Variants in ARMC12 observed in about 807,000 individuals in gnomAD.
The protein encoded by ARMC12 is armadillo repeat-containing protein 12.
Under a neutral mutation model 37.4 loss-of-function variants are expected in ARMC12, and 25 were observed. The observed-to-expected ratio is 0.67, with a 90% CI of 0.49 to 0.93. The LOEUF (loss-of-function observed/expected upper bound fraction) is 0.93, where lower values mean the gene tolerates loss of function less well. Among genes scored for constraint, ARMC12 ranks in the 40% least tolerant of loss-of-function variants. ARMC12 has a pLI of 0.00. For missense variants in ARMC12, 384 were observed against 426.6 expected, an observed-to-expected ratio of 0.90 and a Z score of 0.88; for synonymous variants, 167 against 176.1, an observed-to-expected ratio of 0.95 and a Z score of 0.41.
upstream of ARMC12, among the ~76,000 whole-genome samples, chr6:35,734,644 T>C (rs1023406786): frequency 1.3e-5 from 2 of 151,566 alleles, no homozygotes; most frequent in African/African-American, 2.4e-5. Flanking sequence ...CTACCAAAAA[T>C]ACAAAAAATT....
chr6:35,737,890 G>T, intron 1 of ARMC12, 137 bp from the exon 2 acceptor site: 1 of 1,142,060 alleles, frequency 8.8e-7, no homozygotes, highest in Non-Finnish European at 1.3e-6. Flanking sequence ...TGTACATGGT[G>T]GTCCTGCATA....
intron 3 of ARMC12, among the ~76,000 whole-genome samples, chr6:35,747,022 A>T (rs1468854648): frequency 2.9e-5 from 4 of 139,782 alleles, no homozygotes; most frequent in Non-Finnish European, 4.5e-5. Flanking sequence ...GGTAGAAAAG[A>T]GGAGGTTGGG....
chr6:35,738,208 GC>G (rs762441937), intron 2 of ARMC12, 36 bp downstream of exon 2: 8 of 1,521,674 alleles, frequency 5.3e-6, no homozygotes, highest in African/African-American at 4.2e-5. Context: ...AGCCGGCCTG[GC>G]CCCTGGGGGT....
intron 3 of ARMC12, among the ~76,000 whole-genome samples, chr6:35,740,753 G>A (rs943570393): frequency 6.6e-6 from 1 of 152,146 alleles, no homozygotes; most frequent in African/African-American, 2.4e-5. Flanking sequence ...GCAGGGCATA[G>A]CAGATAATAA....
At chr6:35,742,487 ACT>A (rs1293404620) in intron 3 of ARMC12, among the ~76,000 whole-genome samples, 6 of 110,486 alleles carry the variant, frequency 5.4e-5, no homozygotes, top group Non-Finnish European at 1.0e-4. Context: ...ACAGAACGAG[ACT>A]CTGTCTCAAA....
chr6:35,747,252 C>G lies in ARMC12; in HGVS notation c.445-9C>G, dbSNP rs1178888858. 1 of 1,607,966 alleles carries G rather than the reference C, an allele frequency of 6.2e-7. No homozygotes were observed. On this transcript the variant is annotated splice_polypyrimidine_tract_variant and intron_variant, in intron 3 of 5. Coordinates refer to ENST00000373866, the MANE Select transcript of ARMC12 (RefSeq NM_001286574.2). Reference sequence around the variant, plus strand: ...TAAAAGTAAGCCCTTTTGTTCTCCCCCACTCCAGGAACACTCCATCAAAGT... The same window carrying G: ...TAAAAGTAAGCCCTTTTGTTCTCCCGCACTCCAGGAACACTCCATCAAAGT...
At chr6:35,733,144 C>T (rs1766874070), upstream of ARMC12, among the ~76,000 whole-genome samples, 1 of 152,048 alleles carries the variant, frequency 6.6e-6, no homozygotes, top group Non-Finnish European at 1.5e-5. Context: ...TGCACTCCAG[C>T]CCGGGTGACA....
intron 3 of ARMC12, 32 bp downstream of exon 3, chr6:35,738,550 G>A: frequency 6.2e-7 from 1 of 1,612,896 alleles, no homozygotes; most frequent in Non-Finnish European, 8.5e-7. Flanking sequence ...GGGGCATGCA[G>A]GATGTCTATA....
At chr6:35,744,533 G>A (rs2151044330) in intron 3 of ARMC12, among the ~76,000 whole-genome samples, 2 of 152,144 alleles carry the variant, frequency 1.3e-5, no homozygotes, top group South Asian at 4.2e-4. Context: ...AGGCATGGGG[G>A]ATCACGAGGT....
intron 3 of ARMC12, among the ~76,000 whole-genome samples, chr6:35,742,525 A>G: frequency 7.4e-6 from 1 of 135,418 alleles, no homozygotes; most frequent in Admixed American, 7.4e-5. Context: ...AAAAAAGCCC[A>G]GGGAGTTCAG....
In ARMC12 at chr6:35,748,642, C is replaced by T. The variant is rs1335580552; in HGVS notation, c.795C>T (p.Pro265=). 3.1e-6 allele frequency: 5 copies of T among 1,613,638 alleles called. No homozygotes were observed. The highest frequency in any genetic ancestry group is 4.2e-6 in the Non-Finnish European group (5 of 1,179,694). Residue 265 remains proline, a synonymous_variant, in exon 6 of 6, where the codon CCC becomes CCT. Coordinates refer to ENST00000373866, the MANE Select transcript of ARMC12 (RefSeq NM_001286574.2). The part of the protein sequence containing the change: ...AERLSEGRNA[P]HYHVVKWHYN... ...GGCTGAGTGAGGGCCGGAACGCACCCCACTACCACGTGGTGAAATGGCATT... is the reference window on the plus strand; with the variant it reads ...GGCTGAGTGAGGGCCGGAACGCACCTCACTACCACGTGGTGAAATGGCATT...
chr6:35,738,555 T>C, intron 3 of ARMC12, 37 bp downstream of exon 3: 1 of 1,611,462 alleles, frequency 6.2e-7, no homozygotes, highest in Non-Finnish European at 8.5e-7. Context: ...ATGCAGGATG[T>C]CTATAGTCCT....
At chr6:35,746,129 AAAAAT>A (rs1375689103) in intron 3 of ARMC12, among the ~76,000 whole-genome samples, 2 of 152,230 alleles carry the variant, frequency 1.3e-5, no homozygotes, top group Non-Finnish European at 2.9e-5. Context: ...TGCTGTAGAG[AAAAAT>A]AAAATAACAG....
upstream of ARMC12, among the ~76,000 whole-genome samples, chr6:35,734,819 AAAAG>A (rs370395776): frequency 2.3e-3 from 347 of 152,216 alleles, no homozygotes; most frequent in African/African-American, 7.5e-3. Flanking sequence ...AGAAAAAAAA[AAAAG>A]AAAGAAAACA....
chr6:35,737,569 C>A lies in ARMC12; in HGVS notation c.163+298C>A, dbSNP rs551971691. Among the ~76,000 whole-genome samples the A allele has an allele frequency of 3.2e-4, 48 of 152,242 alleles. 2 individuals carry two copies. The highest frequency in any genetic ancestry group is 1.1e-3 in the African/African-American group (46 of 41,544). On this transcript the variant is annotated intron_variant, in intron 1 of 5. Transcript: ENST00000373866. Reference sequence around the variant, plus strand: ...TCTTGGAAACTTGGTGTCGGCAGCTCCCCCCATCCCTTTTCTGCCCTAGGA... The same window carrying A: ...TCTTGGAAACTTGGTGTCGGCAGCTACCCCCATCCCTTTTCTGCCCTAGGA...
upstream of ARMC12, among the ~76,000 whole-genome samples, chr6:35,734,707 C>T (rs1252286752): frequency 1.3e-5 from 2 of 151,352 alleles, no homozygotes; most frequent in Non-Finnish European, 2.9e-5. Flanking sequence ...GAGGCTGAGG[C>T]GAGAGGATTG....
intron 3 of ARMC12, among the ~76,000 whole-genome samples, chr6:35,739,327 T>C (rs1767096246): frequency 6.6e-6 from 1 of 152,250 alleles, no homozygotes; most frequent in African/African-American, 2.4e-5. Flanking sequence ...TATGTCTATG[T>C]GTAAATGTGC....
At position 35,748,710 on chromosome 6, in the gene ARMC12, C is replaced by A; in HGVS notation, c.863C>A (p.Ser288Tyr). Reference protein sequence around the residue: ...SLHESLFGEESRLADRLLALV... With the variant: ...SLHESLFGEEYRLADRLLALV... ...CATGAATCCCTCTTTGGGGAAGAGT[C>A]CCGACTGGCAGACCGACTACTTGCC... The change falls in exon 6 of 6, where the codon TCC (serine) becomes TAC (tyrosine). Residue 288 changes from serine to tyrosine, a missense_variant. Transcript: ENST00000373866. The A allele has an allele frequency of 1.2e-6, 2 of 1,614,194 alleles. No homozygotes were observed. Among genetic ancestry groups the A allele is most frequent in the Non-Finnish European group, 1.7e-6 (2 of 1,180,032 alleles).
intron 3 of ARMC12, among the ~76,000 whole-genome samples, chr6:35,740,651 C>G (rs114498464): frequency 2.0e-5 from 3 of 152,316 alleles, no homozygotes; most frequent in African/African-American, 4.8e-5. Context: ...CTGCCTCCCC[C>G]ACCAGAGGCA....
Sources: allele counts gnomAD v4.1 joint callset (sites outside exome capture counted in the v4.1 genomes callset), GRCh38; gene constraint gnomAD v4.1.1; transcripts MANE v1.5; gene names NCBI Gene and HGNC (gene_info 2026-07-23, HGNC 2026-07-21).